Variants in PCDHAC1 observed in about 807,000 individuals in gnomAD.
PCDHAC1 encodes protocadherin alpha subfamily C, 1, also known as protocadherin alpha-C1.
In PCDHAC1, 42 loss-of-function variants were observed where a neutral mutation model predicts 60.0. The observed-to-expected ratio is 0.70, with a 90% CI of 0.55 to 0.90. The LOEUF (loss-of-function observed/expected upper bound fraction) is 0.90. PCDHAC1 is among the 40% of genes least tolerant of loss of function. The probability of loss-of-function intolerance (pLI) is 0.00; values close to 1 mark genes in which losing one functional copy is unlikely to be tolerated. For missense variants in PCDHAC1, 1,160 were observed against 1,222.3 expected, an observed-to-expected ratio of 0.95 and a Z score of 0.76; for synonymous variants, 468 against 499.3, an observed-to-expected ratio of 0.94 and a Z score of 0.84.
At position 141,005,925 on chromosome 5, in the gene PCDHAC1, T is replaced by C. The variant is rs368127914; in HGVS notation, c.2582-3702T>C. On this transcript the variant is annotated intron_variant, in intron 3 of 3. Transcript: ENST00000253807. ...TTGCACCACTGCACTTCAGCCTGGT[T>C]GACAGAGTGAGAACCTATCTCTAAC... 4.1e-4 allele frequency among the ~76,000 whole-genome samples: 62 copies of C among 151,990 alleles called. 1 individual carries two copies. The highest frequency in any genetic ancestry group is 1.4e-3 in the African/African-American group (59 of 41,476).
intron 1 of PCDHAC1, among the ~76,000 whole-genome samples, chr5:140,948,015 C>CCTTTT (rs71276332): frequency 0.56 from 84,575 of 150,344 alleles, 24,313 homozygotes; most frequent in African/African-American, 0.69. Context: ...TAGGAAGTAC[C>CCTTTT]CTTTCTGGTT....
chr5:140,988,707 G>A (rs2097310016), intron 3 of PCDHAC1, among the ~76,000 whole-genome samples: 1 of 152,106 alleles, frequency 6.6e-6, no homozygotes, highest in African/African-American at 2.4e-5. Context: ...TATTTTCTTG[G>A]ACCTCTCATT....
intron 1 of PCDHAC1, among the ~76,000 whole-genome samples, chr5:140,948,865 C>A (rs1358865868): frequency 1.3e-5 from 2 of 151,324 alleles, no homozygotes; most frequent in Non-Finnish European, 3.0e-5. Context: ...TATATTACTT[C>A]GGGTTTACTT....
chr5:141,006,869 C>T (rs190273260), intron 3 of PCDHAC1, among the ~76,000 whole-genome samples: 50 of 152,182 alleles, frequency 3.3e-4, no homozygotes, highest in African/African-American at 1.0e-3. Flanking sequence ...GGAATAGATT[C>T]GAGGAATCAA....
At chr5:140,937,174 A>G (rs1449263512) in intron 1 of PCDHAC1, among the ~76,000 whole-genome samples, 1 of 151,302 alleles carries the variant, frequency 6.6e-6, no homozygotes, top group Non-Finnish European at 1.5e-5. Flanking sequence ...AGTAGCTGGG[A>G]CTACAGGCGC....
At position 140,928,146 on chromosome 5, in the gene PCDHAC1, A is replaced by G; in HGVS notation, c.1254A>G (p.Ser418=). 1 of 1,614,222 alleles carries G rather than the reference A, an allele frequency of 6.2e-7. No individual in the cohort carries two copies. The highest frequency in any genetic ancestry group is 1.3e-5 in the African/African-American group (1 of 75,062). ...AATACCAAGTCCTGATCACGGCCTC[A>G]GATAGTGGCTCACCCCCACTTAGCA... ...ISEYQVLITA[S]DSGSPPLSTR... Residue 418 remains serine (S), a synonymous_variant, in exon 1 of 4, where the codon TCA becomes TCG. Transcript: ENST00000253807.
chr5:140,953,837 C>T (rs1585533226), intron 1 of PCDHAC1, among the ~76,000 whole-genome samples: 1 of 151,614 alleles, frequency 6.6e-6, no homozygotes, highest in African/African-American at 2.4e-5. Flanking sequence ...GGTTTGTTAC[C>T]CAGGTAAACA....
At chr5:140,969,249 ACAG>A in intron 1 of PCDHAC1, 1 of 1,614,240 alleles carries the variant, frequency 6.2e-7, no homozygotes, top group Non-Finnish European at 8.5e-7. Flanking sequence ...GCAGTGACTG[ACAG>A]CAGGAATCTC....
At chr5:140,959,568 T>A (rs1333268160) in intron 1 of PCDHAC1, among the ~76,000 whole-genome samples, 1 of 152,208 alleles carries the variant, frequency 6.6e-6, no homozygotes, top group African/African-American at 2.4e-5. Flanking sequence ...GTACTAGATT[T>A]TTTGTTTCAA....
intron 1 of PCDHAC1, among the ~76,000 whole-genome samples, chr5:140,952,940 G>A (rs2094821781): frequency 6.6e-6 from 1 of 152,066 alleles, no homozygotes. Context: ...AGGAGCAAGA[G>A]AGAGAGAAGG....
rs377373799 is a variant in PCDHAC1, at chr5:141,009,886, C to G, written c.2841C>G (p.Thr947=). 3.3e-5 allele frequency: 54 copies of G among 1,612,722 alleles called. No individual in the cohort carries two copies. The highest frequency in any genetic ancestry group is 4.6e-5 in the Non-Finnish European group (54 of 1,179,784). The stretch of plus-strand genomic sequence containing the variant: ...AGAAAAAGAAGAAGGGTAACAAGAC[C>G]CAGGAGAAAAAAGAGAAAGGGAACA... ...KKKKKKKGNK[T]QEKKEKGNST... Residue 947 remains threonine (T), a synonymous_variant, in exon 4 of 4, where the codon ACC becomes ACG. Transcript: ENST00000253807.
At chr5:140,941,317 CTCT>C (rs2093029316) in intron 1 of PCDHAC1, among the ~76,000 whole-genome samples, 2 of 99,150 alleles carry the variant, frequency 2.0e-5, no homozygotes, top group Non-Finnish European at 4.2e-5. Flanking sequence ...TTTCTTCTTT[CTCT>C]TTTTTTTTTT....
intron 1 of PCDHAC1, among the ~76,000 whole-genome samples, chr5:140,936,603 C>T (rs552102837): frequency 2.0e-5 from 3 of 152,324 alleles, no homozygotes; most frequent in Admixed American, 6.5e-5. Context: ...CTACTTTCCT[C>T]GCTGCTACTG....
chr5:140,964,238 T>G (rs1354844619), intron 1 of PCDHAC1, among the ~76,000 whole-genome samples: 1 of 152,208 alleles, frequency 6.6e-6, no homozygotes, highest in Admixed American at 6.5e-5. Flanking sequence ...AGGCTGATTG[T>G]GTTGGCTTTA....
chr5:140,990,649 T>A (rs1465284882), intron 3 of PCDHAC1, among the ~76,000 whole-genome samples: 1 of 152,330 alleles, frequency 6.6e-6, no homozygotes, highest in South Asian at 2.1e-4. Context: ...TCAGCCAGTA[T>A]GAATGATTTA....
rs781951889 is a variant in PCDHAC1 at position 140,929,032 on chromosome 5, T to C, written c.2140T>C (p.Cys714Arg). The C allele has an allele frequency of 1.9e-6, 3 of 1,614,236 alleles. No homozygotes were observed. Among genetic ancestry groups the C allele is most frequent in the East Asian group, 2.2e-5 (1 of 44,888 alleles). Reference protein sequence around the residue: ...CTKLHQSPGCCAQSCCRSTED... With the variant: ...CTKLHQSPGCRAQSCCRSTED... ...CAAGTTGCACCAGAGCCCAGGCTGT[T>C]GCGCTCAGAGCTGCTGTCGCTCTAC... The change falls in exon 1 of 4, where the codon TGC (cysteine) becomes CGC (arginine). Residue 714 changes from cysteine (C) to arginine (R), a missense_variant. By Grantham distance (180) the Cys-to-Arg change is radical. Transcript: ENST00000253807.
intron 3 of PCDHAC1, among the ~76,000 whole-genome samples, chr5:140,991,888 A>T (rs1374098533): frequency 6.6e-6 from 1 of 152,178 alleles, no homozygotes; most frequent in African/African-American, 2.4e-5. Context: ...TGCCATAACA[A>T]ATTAACACAA....
intron 1 of PCDHAC1, among the ~76,000 whole-genome samples, chr5:140,941,207 CT>C (rs880001940): frequency 0.13 from 13,079 of 103,138 alleles, 665 homozygotes; most frequent in African/African-American, 0.21. Context: ...TTCTTCCTTT[CT>C]TTCTTCCTTT....
chr5:140,991,923 C>T (rs996562269), intron 3 of PCDHAC1, among the ~76,000 whole-genome samples: 1 of 152,088 alleles, frequency 6.6e-6, no homozygotes, highest in Non-Finnish European at 1.5e-5. Flanking sequence ...TGTAACATAA[C>T]ATATTCACAA....
Sources: gnomAD v4.1 joint callset for allele counts (sites outside exome capture counted in the v4.1 genomes callset) on GRCh38, gnomAD v4.1.1 for gene constraint, MANE v1.5 for transcripts, NCBI Gene and HGNC (gene_info 2026-07-23, HGNC 2026-07-21) for gene names.